PLXNA2: variants seen among roughly 807,000 people sequenced by gnomAD.
PLXNA2 encodes plexin A2, also known as plexin-A2.
A neutral mutation model predicts 193.5 loss-of-function variants in PLXNA2; 91 were observed. That is an observed-to-expected ratio of 0.47 (90% CI 0.40 to 0.56). The LOEUF is 0.56. PLXNA2 is among the 20% of genes least tolerant of loss of function. The probability of loss-of-function intolerance (pLI) is 0.00; values close to 1 mark genes in which losing one functional copy is unlikely to be tolerated. For synonymous variants in PLXNA2, 997 were observed against 1,027.3 expected (o/e 0.97, Z 0.56); for missense variants, 1,995 against 2,503.2 (o/e 0.80, Z 4.33).
At chr1:208,140,117 A>G (rs2102480743) in intron 4 of PLXNA2, among the ~76,000 whole-genome samples, 1 of 152,228 alleles carries the variant, frequency 6.6e-6, no homozygotes, top group South Asian at 2.1e-4. Context: ...GACTGTAACA[A>G]GAACTGGGTA....
At chr1:208,098,756 A>C in intron 6 of PLXNA2, 90 bp downstream of exon 6, 1 of 1,440,696 alleles carries the variant, frequency 6.9e-7, no homozygotes, top group Non-Finnish European at 9.5e-7. Context: ...TGATCAATTT[A>C]CAGATACTTG....
intron 3 of PLXNA2, among the ~76,000 whole-genome samples, chr1:208,182,406 C>T (rs1392284977): frequency 6.6e-6 from 1 of 151,954 alleles, no homozygotes; most frequent in Non-Finnish European, 1.5e-5. Flanking sequence ...GCACTCCAGC[C>T]TGGGTGACAG....
intron 1 of PLXNA2, among the ~76,000 whole-genome samples, chr1:208,227,846 G>T (rs1193532458): frequency 6.6e-6 from 1 of 152,202 alleles, no homozygotes; most frequent in Non-Finnish European, 1.5e-5. Flanking sequence ...TTGAGATGGG[G>T]CAGGAGAGCA....
chr1:208,069,420 C>T (rs1251967161), intron 12 of PLXNA2, among the ~76,000 whole-genome samples: 1 of 152,198 alleles, frequency 6.6e-6, no homozygotes, highest in Non-Finnish European at 1.5e-5. Context: ...GGAAAGCAGC[C>T]GCGGTGATGC....
intron 12 of PLXNA2, among the ~76,000 whole-genome samples, chr1:208,076,500 T>G (rs1666155513): frequency 6.6e-6 from 1 of 152,226 alleles, no homozygotes; most frequent in African/African-American, 2.4e-5. Flanking sequence ...CAGATTCGGC[T>G]TCTGAGATCC....
chr1:208,158,319 C>T (rs746604084), intron 3 of PLXNA2, among the ~76,000 whole-genome samples: 2 of 152,160 alleles, frequency 1.3e-5, no homozygotes, highest in East Asian at 1.9e-4. Context: ...CCAGATCTCT[C>T]CATATACATT....
chr1:208,219,811 C>T lies in PLXNA2; in HGVS notation c.-80-1809G>A, dbSNP rs112555641. ...TTCCTTGGAAAGAGGAAGGCAACAC[C>T]GGCATGAGACTCAGGCTGACCTCAG... On this transcript the variant is annotated intron_variant, in intron 1 of 31. Transcript: ENST00000367033. Among the ~76,000 whole-genome samples the T allele has an allele frequency of 2.3e-3, 348 of 152,260 alleles. 1 individual carries two copies. The highest frequency in any genetic ancestry group is 0.01 in the Middle Eastern group (3 of 294).
rs1326743582 is a variant in PLXNA2 at position 208,040,031 on chromosome 1, C to T, written c.4314G>A (p.Leu1438=). The T allele has an allele frequency of 1.9e-6, 3 of 1,614,130 alleles. No homozygotes were observed. In the East Asian group the frequency reaches 6.7e-5, roughly 36 times the overall value. ...RRTESVAEKM[L]TNWFAFLLHK... Reference sequence around the variant, plus strand: ...GCAGGAGGAAGGCGAACCAATTGGTCAGCATCTTTTCAGCCACAGACTCTG... The same window carrying T: ...GCAGGAGGAAGGCGAACCAATTGGTTAGCATCTTTTCAGCCACAGACTCTG... The change falls in exon 23 of 32, where the codon CTG becomes CTA. Residue 1438 remains leucine, a synonymous_variant. Transcript: ENST00000367033.
intron 3 of PLXNA2, among the ~76,000 whole-genome samples, chr1:208,198,500 G>C (rs974790853): frequency 2.0e-5 from 3 of 152,232 alleles, no homozygotes; most frequent in Non-Finnish European, 2.9e-5. Flanking sequence ...CTGGAGAAAG[G>C]GGAGTCAGCT....
chr1:208,032,669 T>G (rs1385515234), intron 28 of PLXNA2, among the ~76,000 whole-genome samples: 1 of 148,256 alleles, frequency 6.7e-6, no homozygotes, highest in Non-Finnish European at 1.5e-5. Context: ...CTAGGAAGGC[T>G]AAAAGATGAA....
At chr1:208,186,689 T>C (rs1670008524) in intron 3 of PLXNA2, among the ~76,000 whole-genome samples, 1 of 150,970 alleles carries the variant, frequency 6.6e-6, no homozygotes, top group African/African-American at 2.4e-5. Context: ...TGAAGGGCTG[T>C]CCTGGGAATT....
intron 3 of PLXNA2, among the ~76,000 whole-genome samples, chr1:208,200,999 AG>A (rs1317905350): frequency 6.6e-6 from 1 of 152,258 alleles, no homozygotes; most frequent in East Asian, 1.9e-4. Flanking sequence ...ACATGGTAAT[AG>A]TACAGGAGTG....
Position 208,039,649 on chromosome 1 carries a change from A to C in PLXNA2, c.4472T>G (p.Ile1491Ser), listed in dbSNP as rs747049551. The change falls in exon 24 of 32, where the codon ATC becomes AGC. Residue 1491 changes from isoleucine (I) to serine (S), a missense_variant. Around this residue, in one of 3 missense-constraint regions of PLXNA2, gnomAD observed 1,291 missense variants for 1,673.6 expected, o/e 0.77. Transcript: ENST00000367033. ...GGTCTTGTACTCGATCTGCTGCCGG[A>C]TGAGCTTGTCCTCGCTCAGGGAGTA... ...ARYSLSEDKL[I>S]RQQIEYKTLI... is the part of the protein sequence containing the mutation. The C allele has an allele frequency of 6.2e-7, 1 of 1,614,090 alleles. No homozygotes were observed. The highest frequency in any genetic ancestry group is 1.1e-5 in the South Asian group (1 of 91,074).
At chr1:208,230,245 T>C (rs1299856499) in intron 1 of PLXNA2, 1 of 152,258 alleles carries the variant, frequency 6.6e-6, no homozygotes, top group African/African-American at 2.4e-5. Context: ...GTGATCATTG[T>C]GCAGCAGAAC....
Position 208,143,087 on chromosome 1 carries a change from G to C in PLXNA2, c.1372-624C>G, listed in dbSNP as rs116677501. On this transcript the variant is annotated intron_variant, in intron 3 of 31. Coordinates refer to ENST00000367033, the MANE Select transcript of PLXNA2 (RefSeq NM_025179.4). ...AGGAAAATAAGTCAGAAAGGACTGA[G>C]ATGTCATCTAGTCCAGTGCTTCTCA... Among the ~76,000 whole-genome samples, 1,514 of 152,308 alleles carry C rather than the reference G, an allele frequency of 9.9e-3. 29 individuals are homozygous for C. The highest frequency in any genetic ancestry group is 0.033 in the African/African-American group (1,389 of 41,572).
At chr1:208,066,308 T>C (rs1441686047) in intron 12 of PLXNA2, among the ~76,000 whole-genome samples, 1 of 152,204 alleles carries the variant, frequency 6.6e-6, no homozygotes, top group East Asian at 1.9e-4. Context: ...TCACTGAGGC[T>C]TTCCCCTCTG....
intron 12 of PLXNA2, among the ~76,000 whole-genome samples, chr1:208,067,519 A>T (rs1339818748): frequency 6.6e-6 from 1 of 152,186 alleles, no homozygotes; most frequent in Non-Finnish European, 1.5e-5. Context: ...CACCCAGAGC[A>T]ACTTCCAGTC....
chr1:208,192,369 AG>A (rs1218854933), intron 3 of PLXNA2, among the ~76,000 whole-genome samples: 1 of 151,972 alleles, frequency 6.6e-6, no homozygotes. Context: ...ACTGTGGTGC[AG>A]GTATGCCTAT....
At position 208,027,295 on chromosome 1, in the gene PLXNA2, C is replaced by A. The variant is rs146958450; in HGVS notation, c.5633G>T (p.Arg1878Leu). ...GAGCTGCTCCACCTTATAAGCCAGCCGCTGCCGCCGTGCCTGCTCATCCTG... is the reference window on the plus strand; with the variant it reads ...GAGCTGCTCCACCTTATAAGCCAGCAGCTGCCGCCGTGCCTGCTCATCCTG... ...LEQDEQARRQ[R>L]LAYKVEQLIN... The change falls in exon 32 of 32, where the codon CGG (arginine) becomes CTG (leucine). Residue 1878 changes from arginine (R) to leucine (L), a missense_variant. Arg to Leu is a moderately radical substitution (Grantham distance 102, BLOSUM62 -2). Around this residue, in one of 3 missense-constraint regions of PLXNA2, gnomAD observed 1,291 missense variants for 1,673.6 expected, o/e 0.77. Transcript: ENST00000367033. 1 of 1,613,658 alleles carries A rather than the reference C, an allele frequency of 6.2e-7. No homozygotes were observed. Among genetic ancestry groups the A allele is most frequent in the East Asian group, 2.2e-5 (1 of 44,882 alleles).
Sources: gnomAD v4.1 joint callset for allele counts (sites outside exome capture counted in the v4.1 genomes callset) on GRCh38, gnomAD v4.1.1 for gene constraint, gnomAD v4.1.1 regional missense constraint, MANE v1.5 for transcripts, NCBI Gene and HGNC (gene_info 2026-07-23, HGNC 2026-07-21) for gene names.